The following LIMA1 variants were observed in gnomAD, a reference collection of about 807,000 sequenced individuals.
The protein encoded by LIMA1 is LIM domain and actin-binding protein 1.
In LIMA1, 52 loss-of-function variants were observed where a neutral mutation model predicts 62.6. That is an observed-to-expected ratio of 0.83 (90% confidence interval 0.67 to 1.05). The LOEUF is 1.05. Ranked by LOEUF, LIMA1 falls within the 50% of genes least tolerant of loss-of-function variation. LIMA1 has a pLI of 0.00. For synonymous variants in LIMA1, 302 were observed against 317.8 expected, an observed-to-expected ratio of 0.95 and a Z score of 0.53; for missense variants, 780 against 902.2, an observed-to-expected ratio of 0.86 and a Z score of 1.74.
chr12:50,195,955 A>C, intron 7 of LIMA1, 68 bp from the exon 8 acceptor site: 1 of 1,466,072 alleles, frequency 6.8e-7, no homozygotes, highest in Non-Finnish European at 9.0e-7. Context: ...AAAAGAGCAA[A>C]CTGCTGTTAA....
chr12:50,193,122 A>AT (rs1435518267), intron 8 of LIMA1, among the ~76,000 whole-genome samples: 1 of 152,186 alleles, frequency 6.6e-6, no homozygotes, highest in Non-Finnish European at 1.5e-5. Flanking sequence ...TTTCATAATC[A>AT]TTGAAATTCC....
At chr12:50,232,851 G>A (rs116868749) in intron 2 of LIMA1, among the ~76,000 whole-genome samples, 2,454 of 152,314 alleles carry the variant, frequency 0.016, 25 homozygotes, top group Non-Finnish European at 0.025. Context: ...GCCAGGCATA[G>A]TGGCGCACAC....
intron 3 of LIMA1, among the ~76,000 whole-genome samples, chr12:50,227,237 CTT>C (rs199650468): frequency 2.4e-5 from 3 of 123,990 alleles, no homozygotes; most frequent in Non-Finnish European, 4.9e-5. Flanking sequence ...TTTTTCTTTT[CTT>C]TTTTTTTTTT....
chr12:50,266,541 T>C (rs974485259), intron 1 of LIMA1, among the ~76,000 whole-genome samples: 2 of 152,248 alleles, frequency 1.3e-5, no homozygotes, highest in Non-Finnish European at 2.9e-5. Context: ...TGGATGATCA[T>C]GTAGGTTGCT....
chr12:50,252,336 T>C (rs908226862), intron 1 of LIMA1, among the ~76,000 whole-genome samples: 2 of 151,956 alleles, frequency 1.3e-5, no homozygotes, highest in East Asian at 3.9e-4. Context: ...TCCCAGCACT[T>C]TGGGAGGCTG....
chr12:50,245,902 T>C (rs1457997079), intron 2 of LIMA1, among the ~76,000 whole-genome samples: 4 of 152,072 alleles, frequency 2.6e-5, no homozygotes, highest in Non-Finnish European at 5.9e-5. Context: ...GTAGCAACCC[T>C]GGCCCCCAAA....
intron 4 of LIMA1, among the ~76,000 whole-genome samples, chr12:50,214,613 C>T (rs912128664): frequency 1.3e-5 from 2 of 152,218 alleles, no homozygotes; most frequent in Admixed American, 6.5e-5. Flanking sequence ...TCAAGACCAG[C>T]CTGACCCACA....
At chr12:50,206,134 T>C in intron 4 of LIMA1, 66 bp from the exon 5 acceptor site, 8 of 1,175,520 alleles carry the variant, frequency 6.8e-6, no homozygotes, top group Non-Finnish European at 1.0e-5. Context: ...AAGGTTCAAC[T>C]TGCAAACCTT....
chr12:50,210,418 CAAAAA>C (rs769288381), intron 4 of LIMA1, among the ~76,000 whole-genome samples: 1 of 90,856 alleles, frequency 1.1e-5, no homozygotes, highest in African/African-American at 3.9e-5. Context: ...ACCCCATTTC[CAAAAA>C]AAAAAAAAAA....
rs1200352653 is a variant in LIMA1 at position 50,239,995 on chromosome 12, A to G, written c.120-8285T>C. ...GGCAACAGAGTGAGACTCTATCTCA[A>G]AATAACATAACATAACATAACATAA... On this transcript the variant is annotated intron_variant, in intron 2 of 10. Coordinates refer to ENST00000341247, the MANE Select transcript of LIMA1 (RefSeq NM_016357.5). Among the ~76,000 whole-genome samples, 5 of 147,044 alleles carry G rather than the reference A, an allele frequency of 3.4e-5. No individual in the cohort carries two copies. In the Admixed American group the frequency reaches 3.6e-4, roughly 10 times the overall value.
chr12:50,273,949 G>C (rs1942245104), intron 1 of LIMA1, among the ~76,000 whole-genome samples: 1 of 152,134 alleles, frequency 6.6e-6, no homozygotes, highest in Non-Finnish European at 1.5e-5. Flanking sequence ...AACAATCTGG[G>C]AAGTAGATGG....
chr12:50,257,661 G>A (rs983775923), intron 1 of LIMA1, among the ~76,000 whole-genome samples: 1 of 152,180 alleles, frequency 6.6e-6, no homozygotes, highest in Admixed American at 6.5e-5. Context: ...TAGAAGCAGG[G>A]AACTCTCTTT....
intron 1 of LIMA1, among the ~76,000 whole-genome samples, chr12:50,281,397 C>G (rs1321017412): frequency 2.6e-5 from 4 of 152,084 alleles, no homozygotes; most frequent in African/African-American, 9.7e-5. Context: ...TCCCCTGTCA[C>G]CAAGATGTGA....
chr12:50,200,860 C>T lies in LIMA1; in HGVS notation c.889G>A (p.Glu297Lys), dbSNP rs763276725. 2.4e-5 allele frequency: 39 copies of T among 1,613,834 alleles called. No homozygotes were observed. The highest frequency in any genetic ancestry group is 2.8e-5 in the Non-Finnish European group (33 of 1,179,962). The change falls in exon 7 of 11, where the codon GAA becomes AAA. Residue 297 changes from glutamate to lysine, a missense_variant. By Grantham distance (56) the Glu-to-Lys change is moderately conservative. Coordinates refer to ENST00000341247, the MANE Select transcript of LIMA1 (RefSeq NM_016357.5). Reference protein sequence around the residue: ...YTNELKASGGEIKIHKMEQKE... With the variant: ...YTNELKASGGKIKIHKMEQKE... ...TGCTCCATTTTATGAATTTTGATTT[C>T]GCCACCACTGGCTTTCAGCTCATTC...
intron 1 of LIMA1, among the ~76,000 whole-genome samples, chr12:50,277,449 G>C (rs1942289632): frequency 6.6e-6 from 1 of 152,096 alleles, no homozygotes; most frequent in African/African-American, 2.4e-5. Flanking sequence ...AGAATGTCTA[G>C]TGAACAGTAG....
At chr12:50,180,823 G>T (rs1322029943) in intron 10 of LIMA1, among the ~76,000 whole-genome samples, 11 of 151,992 alleles carry the variant, frequency 7.2e-5, no homozygotes, top group Admixed American at 6.6e-4. Context: ...AAGAAATAAG[G>T]TGCTTTAAGC....
At position 50,283,513 on chromosome 12, in the gene LIMA1, C is replaced by T. The variant is rs1055248686; in HGVS notation, c.-117G>A. Reference sequence around the variant, plus strand: ...GCACCTGTCGCGACCAAGCTGCTAACACCTACTGCTCCTGCGGCCCCGCCC... The same window carrying T: ...GCACCTGTCGCGACCAAGCTGCTAATACCTACTGCTCCTGCGGCCCCGCCC... On this transcript the variant is annotated 5_prime_UTR_variant, in exon 1 of 11. Coordinates refer to ENST00000341247, the MANE Select transcript of LIMA1 (RefSeq NM_016357.5). The T allele has an allele frequency of 3.3e-5, 5 of 152,266 alleles. No individual in the cohort carries two copies. Among genetic ancestry groups the T allele is most frequent in the Non-Finnish European group, 7.3e-5 (5 of 68,110 alleles). 9.4% of individuals were successfully genotyped at this position (152,266 alleles called of 1,614,324 possible).
chr12:50,218,903 A>C (rs11169323), intron 4 of LIMA1, among the ~76,000 whole-genome samples: 46,701 of 147,888 alleles, frequency 0.32, 7,482 homozygotes, highest in South Asian at 0.47. Context: ...CATAAAAAAA[A>C]AAAAAACAAA....
At chr12:50,229,000 G>A (rs1941571223) in intron 3 of LIMA1, among the ~76,000 whole-genome samples, 1 of 152,040 alleles carries the variant, frequency 6.6e-6, no homozygotes, top group Non-Finnish European at 1.5e-5. Flanking sequence ...GGGATTACAG[G>A]CACAAGCCAC....
Sources: gnomAD v4.1 joint callset for allele counts (sites outside exome capture counted in the v4.1 genomes callset) on GRCh38, gnomAD v4.1.1 for gene constraint, MANE v1.5 for transcripts, NCBI Gene and HGNC (gene_info 2026-07-23, HGNC 2026-07-21) for gene names.